Variants in AKR1D1 observed in about 807,000 individuals in gnomAD.
AKR1D1 encodes aldo-keto reductase family 1 member D1, also known as delta(4)-3-ketosteroid 5-beta-reductase.
A neutral mutation model predicts 42.6 loss-of-function variants in AKR1D1; 32 were observed. The ratio of observed to expected loss-of-function variants is 0.75; its 90% CI spans 0.57 to 1.01. AKR1D1 has a LOEUF of 1.01. Ranked by LOEUF, AKR1D1 falls within the 50% of genes least tolerant of loss-of-function variation. The pLI is 0.00. For missense variants in AKR1D1, 364 were observed against 402.2 expected (o/e 0.91, Z 0.81); for synonymous variants, 123 against 135.5 (o/e 0.91, Z 0.64).
At chr7:138,077,868 G>A (rs1261623501) in intron 1 of AKR1D1, among the ~76,000 whole-genome samples, 1 of 152,232 alleles carries the variant, frequency 6.6e-6, no homozygotes, top group Admixed American at 6.5e-5. Flanking sequence ...CATAGTGCCT[G>A]GCACAGGGAG....
chr7:138,108,046 T>A (rs1307053498), intron 7 of AKR1D1, among the ~76,000 whole-genome samples: 1 of 152,164 alleles, frequency 6.6e-6, no homozygotes, highest in Non-Finnish European at 1.5e-5. Context: ...CAACAGAAAT[T>A]GAGTGAATAA....
At chr7:138,090,579 C>T (rs1163484891) in intron 2 of AKR1D1, among the ~76,000 whole-genome samples, 3 of 149,096 alleles carry the variant, frequency 2.0e-5, no homozygotes, top group Non-Finnish European at 4.4e-5. Flanking sequence ...AGAGGTTGCA[C>T]TAAGCCAAGA....
At chr7:138,114,659 T>TA (rs1794599690) in intron 8 of AKR1D1, among the ~76,000 whole-genome samples, 5 of 48,628 alleles carry the variant, frequency 1.0e-4, no homozygotes, top group African/African-American at 2.0e-4. Flanking sequence ...AAACTCCATC[T>TA]CAAAAAAAAA....
intron 2 of AKR1D1, chr7:138,091,353 T>C (rs2117433822): frequency 3.9e-6 from 1 of 259,050 alleles, no homozygotes; most frequent in Non-Finnish European, 7.6e-6. Context: ...AGAGGACGGC[T>C]TTCCCTGATG....
intron 7 of AKR1D1, among the ~76,000 whole-genome samples, chr7:138,111,352 T>TCC (rs748067186): frequency 1.3e-5 from 2 of 152,050 alleles, no homozygotes; most frequent in Non-Finnish European, 2.9e-5. Context: ...CCCATTCCCT[T>TCC]CCCCCACTAT....
intron 3 of AKR1D1, among the ~76,000 whole-genome samples, chr7:138,096,217 A>C (rs949347167): frequency 4.6e-5 from 7 of 151,976 alleles, no homozygotes; most frequent in African/African-American, 1.7e-4. Flanking sequence ...AAAACAAACA[A>C]ACAACAACAA....
rs1253217149 is a variant in AKR1D1, at chr7:138,091,798, G to T, written c.292G>T (p.Val98Phe). Residue 98 changes from valine to phenylalanine, a missense_variant, in exon 3 of 9, where the codon GTC becomes TTC. Val to Phe is a conservative substitution (Grantham distance 50). Transcript: ENST00000242375. ...GGCTACAAATCATGTCCCAGAGATG[G>T]TCCGCCCAACCCTGGAGAGGACACT... ...LWATNHVPEMVRPTLERTLRV... is the reference protein window; with the variant it reads ...LWATNHVPEMFRPTLERTLRV... The T allele has an allele frequency of 3.1e-6, 5 of 1,613,900 alleles. No homozygotes were observed. The highest frequency in any genetic ancestry group is 4.2e-6 in the Non-Finnish European group (5 of 1,179,826).
At chr7:138,105,551 C>T in intron 5 of AKR1D1, 122 bp downstream of exon 5, 2 of 1,413,988 alleles carry the variant, frequency 1.4e-6, no homozygotes, top group Non-Finnish European at 2.0e-6. Context: ...CATCATGGGA[C>T]CCTGTGCAAG....
rs1312405780 is a variant in AKR1D1, at chr7:138,091,840, G to A, written c.334G>A (p.Asp112Asn). The A allele has an allele frequency of 6.2e-7, 1 of 1,614,128 alleles. No individual in the cohort carries two copies. Among genetic ancestry groups the A allele is most frequent in the South Asian group, 1.1e-5 (1 of 91,082 alleles). ...LERTLRVLQL[D>N]YVDLYIIEVP... ...GAGGACACTCAGGGTCCTCCAGCTAGATTATGTGGATCTTTACATCATTGA... is the reference window on the plus strand; with the variant it reads ...GAGGACACTCAGGGTCCTCCAGCTAAATTATGTGGATCTTTACATCATTGA... Residue 112 changes from aspartate (D) to asparagine (N), a missense_variant, in exon 3 of 9, where the codon GAT (aspartate) becomes AAT (asparagine). Transcript: ENST00000242375.
intron 8 of AKR1D1, among the ~76,000 whole-genome samples, chr7:138,115,395 C>CCAGT (rs1398012503): frequency 6.6e-6 from 1 of 152,126 alleles, no homozygotes; most frequent in Non-Finnish European, 1.5e-5. Flanking sequence ...AGGCTACGCT[C>CCAGT]CAGCCTGGTA....
intron 6 of AKR1D1, 150 bp from the exon 7 acceptor site, chr7:138,107,265 T>C (rs752932185): frequency 1.2e-6 from 1 of 839,662 alleles, no homozygotes; most frequent in Non-Finnish European, 2.1e-6. Context: ...ATTCAGTGCA[T>C]ACTCTGCACT....
chr7:138,113,097 G>C (rs978035940), intron 7 of AKR1D1, among the ~76,000 whole-genome samples: 1 of 152,054 alleles, frequency 6.6e-6, no homozygotes, highest in Non-Finnish European at 1.5e-5. Context: ...TGGGAGGATC[G>C]CTTGAGTTCA....
chr7:138,086,136 G>A (rs930470093), intron 1 of AKR1D1, among the ~76,000 whole-genome samples: 17 of 152,082 alleles, frequency 1.1e-4, no homozygotes, highest in African/African-American at 2.9e-4. Flanking sequence ...CTGGGAAGCC[G>A]AGGCTGCAGT....
At chr7:138,084,269 T>C (rs2117418819) in intron 1 of AKR1D1, among the ~76,000 whole-genome samples, 1 of 150,794 alleles carries the variant, frequency 6.6e-6, no homozygotes, top group East Asian at 1.9e-4. Context: ...TTTTTTTTTT[T>C]TTTCTTTTTT....
At position 138,106,710 on chromosome 7, in the gene AKR1D1, C is replaced by A. The variant is rs1221711189; in HGVS notation, c.682C>A (p.Pro228Thr). ...TAGCCCTTTGGGGACCAGTAGGAAT[C>A]CAATCTGGTAAGTAAAACTTTAGGA... ...AYSPLGTSRN[P>T]IWVNVSSPPL... Residue 228 changes from proline to threonine, a missense_variant, in exon 6 of 9, where the codon CCA (proline) becomes ACA (threonine). Coordinates refer to ENST00000242375, the MANE Select transcript of AKR1D1 (RefSeq NM_005989.4). The A allele has an allele frequency of 6.2e-7, 1 of 1,604,000 alleles. No individual in the cohort carries two copies. The highest frequency in any genetic ancestry group is 1.1e-5 in the South Asian group (1 of 90,876).
rs371800869 is a variant in AKR1D1, at chr7:138,098,494, C to T, written c.456+551C>T. Among the ~76,000 whole-genome samples the T allele has an allele frequency of 5.3e-4, 81 of 152,022 alleles. No homozygotes were observed. In the East Asian group the frequency reaches 0.01, roughly 19 times the overall value. On this transcript the variant is annotated intron_variant, in intron 4 of 8. Transcript: ENST00000242375. ...GCGTGGTGGTGGGCGCCTATAATCC[C>T]GGCTACTCAGGAGGCTGAGGCAGGA...
At chr7:138,091,656 C>T in intron 2 of AKR1D1, 112 bp from the exon 3 acceptor site, 1 of 733,486 alleles carries the variant, frequency 1.4e-6, no homozygotes, top group Non-Finnish European at 2.3e-6. Context: ...ATAGTGAGAC[C>T]CCCCATCTCA....
intron 5 of AKR1D1, among the ~76,000 whole-genome samples, chr7:138,105,945 A>G (rs1379917716): frequency 1.3e-5 from 2 of 152,054 alleles, no homozygotes; most frequent in Non-Finnish European, 2.9e-5. Flanking sequence ...ATGAGAAAAA[A>G]CACTAAGGCT....
intron 4 of AKR1D1, among the ~76,000 whole-genome samples, chr7:138,103,336 C>A (rs567799823): frequency 2.6e-5 from 4 of 152,082 alleles, no homozygotes; most frequent in African/African-American, 9.6e-5. Context: ...ACCCATAATA[C>A]GCTACAATTA....
Sources: gnomAD v4.1 joint callset for allele counts (sites outside exome capture counted in the v4.1 genomes callset) on GRCh38, gnomAD v4.1.1 for gene constraint, MANE v1.5 for transcripts, NCBI Gene and HGNC (gene_info 2026-07-23, HGNC 2026-07-21) for gene names.